The following SLC22A15 variants were observed in gnomAD, a reference collection of about 807,000 sequenced individuals.
SLC22A15 encodes the protein solute carrier family 22 member 15, also known as flipt 1.
In SLC22A15, 45 loss-of-function variants were observed where a neutral mutation model predicts 62.7. The ratio of observed to expected loss-of-function variants is 0.72; its 90% confidence interval spans 0.56 to 0.92. The LOEUF (loss-of-function observed/expected upper bound fraction) is 0.92, where lower values mean the gene tolerates loss of function less well. Ranked by LOEUF, SLC22A15 falls within the 40% of genes least tolerant of loss-of-function variation. SLC22A15 has a pLI of 0.00. For missense variants in SLC22A15, 622 were observed against 665.6 expected, an observed-to-expected ratio of 0.93 and a Z score of 0.72; for synonymous variants, 264 against 267.0, an observed-to-expected ratio of 0.99 and a Z score of 0.11.
At chr1:116,033,106 C>T (rs1200929150) in intron 6 of SLC22A15, among the ~76,000 whole-genome samples, 2 of 152,102 alleles carry the variant, frequency 1.3e-5, no homozygotes, top group East Asian at 1.9e-4. Flanking sequence ...CACATATTGC[C>T]GTTCTTTTTG....
intron 2 of SLC22A15, among the ~76,000 whole-genome samples, chr1:116,002,637 G>C (rs553945580): frequency 4.0e-5 from 6 of 151,596 alleles, no homozygotes; most frequent in African/African-American, 1.5e-4. Context: ...ACTGCCCCAG[G>C]CCTGTGGTAA....
At chr1:116,046,984 AC>A (rs1406877687) in intron 8 of SLC22A15, among the ~76,000 whole-genome samples, 2 of 151,964 alleles carry the variant, frequency 1.3e-5, no homozygotes, top group Non-Finnish European at 2.9e-5. Flanking sequence ...TTCCCTCCCC[AC>A]CCTGGTAGCT....
At chr1:116,063,985 G>C (rs1658440582) in intron 9 of SLC22A15, among the ~76,000 whole-genome samples, 1 of 152,110 alleles carries the variant, frequency 6.6e-6, no homozygotes, top group South Asian at 2.1e-4. Flanking sequence ...TAAATGAGCA[G>C]CCTTTTCAGA....
intron 2 of SLC22A15, among the ~76,000 whole-genome samples, chr1:116,001,476 C>G (rs1034343193): frequency 6.6e-6 from 1 of 152,042 alleles, no homozygotes; most frequent in Admixed American, 6.6e-5. Flanking sequence ...TGTATTTGCT[C>G]TTTTGAAACT....
At chr1:115,995,491 T>C (rs146781970) in intron 2 of SLC22A15, among the ~76,000 whole-genome samples, 39 of 152,202 alleles carry the variant, frequency 2.6e-4, no homozygotes, top group African/African-American at 8.9e-4. Context: ...CCGCAGGTGA[T>C]CTCCCCTCCT....
At chr1:115,997,235 T>A (rs1655473514) in intron 2 of SLC22A15, among the ~76,000 whole-genome samples, 1 of 151,772 alleles carries the variant, frequency 6.6e-6, no homozygotes, top group East Asian at 1.9e-4. Flanking sequence ...TTGCTCCAGT[T>A]TTGTTGTTGT....
intron 6 of SLC22A15, among the ~76,000 whole-genome samples, chr1:116,034,910 A>G (rs1351496445): frequency 4.6e-5 from 7 of 152,234 alleles, no homozygotes. Context: ...AGCACATGCA[A>G]TGTCTTTCCT....
chr1:115,983,408 G>A (rs1654704326), intron 1 of SLC22A15, among the ~76,000 whole-genome samples: 1 of 152,148 alleles, frequency 6.6e-6, no homozygotes, highest in African/African-American at 2.4e-5. Context: ...GGAGAAGCAG[G>A]ACCCCTAGGA....
chr1:116,044,849 A>G (rs1370731007), intron 8 of SLC22A15, among the ~76,000 whole-genome samples: 1 of 152,180 alleles, frequency 6.6e-6, no homozygotes, highest in Non-Finnish European at 1.5e-5. Context: ...TAAAATGCTG[A>G]TGAGAAAAAT....
chr1:116,042,749 C>T (rs1657822947), intron 8 of SLC22A15, among the ~76,000 whole-genome samples: 1 of 152,108 alleles, frequency 6.6e-6, no homozygotes, highest in Non-Finnish European at 1.5e-5. Context: ...CCAAGAAACA[C>T]AATACTTCAC....
At chr1:116,016,977 C>T (rs540188041) in intron 2 of SLC22A15, among the ~76,000 whole-genome samples, 3 of 152,268 alleles carry the variant, frequency 2.0e-5, no homozygotes, top group East Asian at 1.9e-4. Flanking sequence ...AAACATAAAC[C>T]TAGTAATTCA....
intron 10 of SLC22A15, among the ~76,000 whole-genome samples, chr1:116,065,357 C>T (rs1658472250): frequency 6.6e-6 from 1 of 152,154 alleles, no homozygotes; most frequent in Admixed American, 6.6e-5. Flanking sequence ...TCACAAGACC[C>T]TTCTCCTAAA....
At chr1:116,053,026 C>G (rs373014241) in intron 8 of SLC22A15, among the ~76,000 whole-genome samples, 1 of 152,178 alleles carries the variant, frequency 6.6e-6, no homozygotes, top group Non-Finnish European at 1.5e-5. Flanking sequence ...GAACGCAGTT[C>G]CTCACCAGCA....
intron 3 of SLC22A15, 126 bp downstream of exon 3, chr1:116,019,840 T>G (rs1656730229): frequency 9.3e-7 from 1 of 1,078,212 alleles, no homozygotes; most frequent in African/African-American, 1.6e-5. Flanking sequence ...AGAACTGATC[T>G]TTATTATCCT....
intron 2 of SLC22A15, among the ~76,000 whole-genome samples, chr1:116,011,367 C>G (rs1190981347): frequency 6.6e-6 from 1 of 152,118 alleles, no homozygotes; most frequent in Non-Finnish European, 1.5e-5. Flanking sequence ...CTAAATCTGT[C>G]TACACTCCTT....
chr1:115,996,727 T>G (rs1161404853), intron 2 of SLC22A15, among the ~76,000 whole-genome samples: 1 of 152,022 alleles, frequency 6.6e-6, no homozygotes, highest in Non-Finnish European at 1.5e-5. Context: ...GTATTATTTC[T>G]TTTGGGAAAT....
intron 2 of SLC22A15, among the ~76,000 whole-genome samples, chr1:116,012,851 T>C (rs898543351): frequency 6.6e-6 from 1 of 152,190 alleles, no homozygotes; most frequent in South Asian, 2.1e-4. Flanking sequence ...CCTGGGCTAG[T>C]AGTAAGTGTG....
At chr1:116,057,678 G>A (rs1658252699) in intron 8 of SLC22A15, among the ~76,000 whole-genome samples, 1 of 152,102 alleles carries the variant, frequency 6.6e-6, no homozygotes, top group Non-Finnish European at 1.5e-5. Context: ...CAACGATAGA[G>A]TGGATTAAGA....
intron 2 of SLC22A15, among the ~76,000 whole-genome samples, chr1:115,999,540 G>A (rs12135964): frequency 1.4e-5 from 2 of 143,004 alleles, no homozygotes; most frequent in Admixed American, 7.2e-5. Context: ...GTCTTGCTCT[G>A]TCACCCAGGC....
Sources: gnomAD v4.1 joint callset for allele counts (sites outside exome capture counted in the v4.1 genomes callset) on GRCh38, gnomAD v4.1.1 for gene constraint, MANE v1.5 for transcripts, NCBI Gene and HGNC (gene_info 2026-07-23, HGNC 2026-07-21) for gene names.